The following DIP2C variants were observed in gnomAD, a reference collection of about 807,000 sequenced individuals.
DIP2C encodes the protein DIP2 acetate--CoA ligase C (putative), also known as disco-interacting protein 2 homolog C.
DIP2C carries 33 observed loss-of-function variants against 192.4 expected under a neutral mutation model. The observed-to-expected ratio is 0.17, with a 90% CI of 0.13 to 0.23. The LOEUF (loss-of-function observed/expected upper bound fraction) is 0.23, where lower values mean the gene tolerates loss of function less well. Among genes scored for constraint, DIP2C ranks in the 10% least tolerant of loss-of-function variants. DIP2C has a pLI of 1.00. For synonymous variants in DIP2C, 979 were observed against 864.1 expected, an observed-to-expected ratio of 1.13 and a Z score of -2.33; for missense variants, 1,537 against 2,110.1, an observed-to-expected ratio of 0.73 and a Z score of 5.32.
At chr10:674,989 C>T (rs1012175508) in intron 1 of DIP2C, among the ~76,000 whole-genome samples, 1 of 152,006 alleles carries the variant, frequency 6.6e-6, no homozygotes, top group African/African-American at 2.4e-5. Flanking sequence ...ACAAAATGCA[C>T]ATTCTTCTCC....
chr10:392,287 C>T (rs563763715), intron 10 of DIP2C, among the ~76,000 whole-genome samples: 22 of 152,320 alleles, frequency 1.4e-4, no homozygotes, highest in African/African-American at 5.3e-4. Flanking sequence ...CAGGAGAACA[C>T]GCGTGACTGT....
chr10:350,919 T>A (rs1958771487), intron 24 of DIP2C, among the ~76,000 whole-genome samples: 1 of 152,126 alleles, frequency 6.6e-6, no homozygotes, highest in African/African-American at 2.4e-5. Flanking sequence ...GTGCTGGGAT[T>A]ACAGGTGTGA....
intron 29 of DIP2C, among the ~76,000 whole-genome samples, chr10:337,102 CGT>C (rs1229969693): frequency 0.014 from 447 of 31,090 alleles, 13 homozygotes; most frequent in African/African-American, 0.054. Context: ...TGTGTGTGTG[CGT>C]GTGTGTGTTG....
chr10:311,809 T>A (rs568897191), intron 31 of DIP2C, among the ~76,000 whole-genome samples: 8 of 152,322 alleles, frequency 5.3e-5, no homozygotes, highest in African/African-American at 1.9e-4. Flanking sequence ...GTTTTAAAGA[T>A]GTCAACATAT....
intron 1 of DIP2C, among the ~76,000 whole-genome samples, chr10:572,513 G>A (rs183645535): frequency 6.6e-6 from 1 of 152,250 alleles, no homozygotes; most frequent in East Asian, 1.9e-4. Context: ...AAAGAGTACT[G>A]CCAGCTTCTT....
At chr10:599,017 C>G (rs188390894) in intron 1 of DIP2C, among the ~76,000 whole-genome samples, 1 of 152,214 alleles carries the variant, frequency 6.6e-6, no homozygotes, top group Admixed American at 6.5e-5. Context: ...CTCATCCTTG[C>G]ATCATAAAGC....
intron 1 of DIP2C, among the ~76,000 whole-genome samples, chr10:619,524 A>AGGGCCAGGGCCAGGGCCAGGG (rs533671871): frequency 1.0e-4 from 7 of 68,146 alleles, no homozygotes; most frequent in East Asian, 8.2e-4. Flanking sequence ...CAGGGCCAGG[A>AGGGCCAGGGCCAGGGCCAGGG]CCAAGCCCGC....
chr10:625,618 A>T (rs974015384), intron 1 of DIP2C, among the ~76,000 whole-genome samples: 11 of 152,160 alleles, frequency 7.2e-5, no homozygotes, highest in Admixed American at 2.0e-4. Flanking sequence ...AGTGACCTCT[A>T]GCCTGCAGAA....
chr10:438,005 A>G (rs367726634), intron 4 of DIP2C: 4 of 152,236 alleles, frequency 2.6e-5, no homozygotes, highest in Non-Finnish European at 5.9e-5. Context: ...GGAGTAAAAA[A>G]TTTTTATGAT....
rs1161106609 is a variant in DIP2C at position 549,045 on chromosome 10, A to G, written c.86-62515T>C. Among the ~76,000 whole-genome samples the G allele has an allele frequency of 2.6e-5, 4 of 152,112 alleles. No homozygotes were observed. In the East Asian group the frequency reaches 7.7e-4, roughly 29 times the overall value. On this transcript the variant is annotated intron_variant, in intron 1 of 36. Coordinates refer to ENST00000280886, the MANE Select transcript of DIP2C (RefSeq NM_014974.3). ...TGGGGGAAAAAGCCAAGTAGATTCT[A>G]GTTAGTCAGAATTAAAGGCAAAACC...
chr10:574,134 C>T (rs181624538), intron 1 of DIP2C, among the ~76,000 whole-genome samples: 100 of 152,334 alleles, frequency 6.6e-4, no homozygotes, highest in African/African-American at 2.2e-3. Context: ...ACTGACTACA[C>T]GGCCAGTAAG....
At chr10:591,414 C>T (rs1053910468) in intron 1 of DIP2C, among the ~76,000 whole-genome samples, 1 of 152,176 alleles carries the variant, frequency 6.6e-6, no homozygotes, top group African/African-American at 2.4e-5. Flanking sequence ...TGTGAGCCAC[C>T]ATGCCCTGCC....
chr10:613,617 G>C (rs1336775586), intron 1 of DIP2C, among the ~76,000 whole-genome samples: 1 of 152,180 alleles, frequency 6.6e-6, no homozygotes, highest in Non-Finnish European at 1.5e-5. Flanking sequence ...TTGGGATGGG[G>C]ACTTAACAGC....
At chr10:387,035 A>C (rs1963003950) in intron 14 of DIP2C, among the ~76,000 whole-genome samples, 1 of 152,210 alleles carries the variant, frequency 6.6e-6, no homozygotes, top group African/African-American at 2.4e-5. Context: ...GCAAATCTGG[A>C]AACTACTTTC....
At chr10:549,468 C>G (rs909023156) in intron 1 of DIP2C, among the ~76,000 whole-genome samples, 3 of 152,156 alleles carry the variant, frequency 2.0e-5, no homozygotes, top group African/African-American at 7.2e-5. Flanking sequence ...AGAAGGAAGA[C>G]GAGACCAATG....
intron 31 of DIP2C, among the ~76,000 whole-genome samples, chr10:325,872 ACAC>A (rs1317125172): frequency 6.6e-6 from 1 of 152,098 alleles, no homozygotes; most frequent in African/African-American, 2.4e-5. Flanking sequence ...GAAGCAAGGA[ACAC>A]CACGTTTATG....
intron 1 of DIP2C, among the ~76,000 whole-genome samples, chr10:568,489 C>T (rs1045277332): frequency 2.6e-5 from 4 of 151,984 alleles, no homozygotes; most frequent in African/African-American, 7.3e-5. Flanking sequence ...CACTTGAGGC[C>T]GGGCGCGGTG....
intron 28 of DIP2C, among the ~76,000 whole-genome samples, chr10:344,224 GA>G (rs1329272608): frequency 1.3e-5 from 2 of 152,148 alleles, no homozygotes; most frequent in Admixed American, 6.5e-5. Flanking sequence ...AAAAGCTTTT[GA>G]AAAATTATTT....
Position 649,937 on chromosome 10 carries a change from C to T in DIP2C, c.85+39557G>A, listed in dbSNP as rs1484661331. The T allele has an allele frequency of 1.9e-5, 11 of 592,510 alleles. No individual in the cohort carries two copies. In the Admixed American group the frequency reaches 2.4e-4, roughly 13 times the overall value. The allele number at this position is 592,510 out of a possible 1,614,324, so 36.7% of individuals were successfully genotyped here. On this transcript the variant is annotated intron_variant, in intron 1 of 36. Transcript: ENST00000280886. ...GCGTCCCCGTGCGTCACGGCGTTGC[C>T]GCACACCATTAACACATCAAAACGG...
Sources: gnomAD v4.1 joint callset for allele counts (sites outside exome capture counted in the v4.1 genomes callset) on GRCh38, gnomAD v4.1.1 for gene constraint, MANE v1.5 for transcripts, NCBI Gene and HGNC (gene_info 2026-07-23, HGNC 2026-07-21) for gene names.